UTP25: variants seen among roughly 807,000 people sequenced by gnomAD.
The protein encoded by UTP25 is U3 small nucleolar RNA-associated protein 25 homolog.
UTP25 carries 50 observed loss-of-function variants against 78.9 expected under a neutral mutation model. The observed-to-expected ratio is 0.63, with a 90% confidence interval of 0.50 to 0.80. UTP25 has a LOEUF of 0.80. UTP25 is among the 30% of genes least tolerant of loss of function. The probability of loss-of-function intolerance (pLI) is 0.00; values close to 1 mark genes in which losing one functional copy is unlikely to be tolerated. For synonymous variants in UTP25, 329 were observed against 336.5 expected, an observed-to-expected ratio of 0.98 and a Z score of 0.24; for missense variants, 846 against 911.3, an observed-to-expected ratio of 0.93 and a Z score of 0.92.
rs374508514 is a variant in UTP25, at chr1:209,851,255, T to C, written c.2079T>C (p.Tyr693=). The C allele has an allele frequency of 3.7e-6, 6 of 1,614,036 alleles. No individual in the cohort carries two copies. The African/African-American group carries it at 6.7e-5, about 18-fold the overall frequency. Residue 693 remains tyrosine, a synonymous_variant, in exon 12 of 12, where the codon TAT becomes TAC. Transcript: ENST00000491415. ...TGATTTTCTATGAACTGCCGACATA[T>C]CCACACTTTTACAGTGAAATCTGTA... The part of the protein sequence containing the change: ...RNLIFYELPT[Y]PHFYSEICNM...
intron 3 of UTP25, 90 bp from the exon 4 acceptor site, chr1:209,833,095 A>G (rs1157856661): frequency 8.2e-7 from 1 of 1,226,246 alleles, no homozygotes; most frequent in Non-Finnish European, 1.1e-6. Context: ...AATGAACGCT[A>G]TTGTTGGTAT....
chr1:209,854,042 G>A lies in UTP25; in HGVS notation c.*2595G>A, dbSNP rs553457467. On this transcript the variant is annotated 3_prime_UTR_variant, in exon 12 of 12. Coordinates refer to ENST00000491415, the MANE Select transcript of UTP25 (RefSeq NM_014388.7). ...AGTCTCTGCAATGGTTTTATTAAAA[G>A]GATGCCTTGAAGATCTGGTCTCTCT... 2 of 152,328 alleles carry A rather than the reference G, an allele frequency of 1.3e-5. No homozygotes were observed. Among genetic ancestry groups the A allele is most frequent in the African/African-American group, 4.8e-5 (2 of 41,566 alleles). 9.4% of individuals were successfully genotyped at this position (152,328 alleles called of 1,614,324 possible).
intron 11 of UTP25, among the ~76,000 whole-genome samples, chr1:209,847,219 A>G (rs1174893823): frequency 6.6e-6 from 1 of 152,192 alleles, no homozygotes; most frequent in African/African-American, 2.4e-5. Flanking sequence ...TAGCTCTACG[A>G]CATCCTCTCT....
intron 11 of UTP25, 140 bp from the exon 12 acceptor site, chr1:209,851,064 T>C (rs148060324): frequency 4.6e-6 from 4 of 878,274 alleles, no homozygotes; most frequent in Admixed American, 6.5e-5. Flanking sequence ...AGAATAACTT[T>C]TGTTCTGTTA....
Position 209,842,345 on chromosome 1 carries a change from T to C in UTP25, c.1566T>C (p.Asn522=), listed in dbSNP as rs144811302. 9.9e-6 allele frequency: 16 copies of C among 1,614,012 alleles called. No individual in the cohort carries two copies. The highest frequency in any genetic ancestry group is 9.3e-5 in the African/African-American group (7 of 74,926). Residue 522 remains asparagine (N), a synonymous_variant, in exon 9 of 12, where the codon AAT becomes AAC. Transcript: ENST00000491415. ...DFSRVRMWSL[N]NWSKYYRQTL... ...CTCGAGTGCGGATGTGGAGCCTCAA[T>C]AATTGGTCCAAGTACTATCGCCAGA...
chr1:209,841,037 G>T lies in UTP25; in HGVS notation c.1467G>T (p.Gln489His). ...IIDQADIYLM[Q>H]NWEHVLHLMN... ...ATCAAGCTGACATTTACCTGATGCA[G>T]AACTGGGAGCATGTCCTGGTAATGC... The change falls in exon 8 of 12, where the codon CAG (glutamine) becomes CAT (histidine). Residue 489 changes from glutamine (Q) to histidine (H), a missense_variant. By Grantham distance (24) the Gln-to-His change is conservative. Coordinates refer to ENST00000491415, the MANE Select transcript of UTP25 (RefSeq NM_014388.7). 1 of 1,614,022 alleles carries T rather than the reference G, an allele frequency of 6.2e-7. No individual in the cohort carries two copies. The highest frequency in any genetic ancestry group is 8.5e-7 in the Non-Finnish European group (1 of 1,179,932).
At chr1:209,845,824 T>A (rs2078193874) in intron 11 of UTP25, among the ~76,000 whole-genome samples, 1 of 151,882 alleles carries the variant, frequency 6.6e-6, no homozygotes. Context: ...TTTTTTAATT[T>A]GACCTTAGAA....
At chr1:209,831,073 T>G (rs1242727335) in intron 3 of UTP25, 30 bp downstream of exon 3, 1 of 1,612,138 alleles carries the variant, frequency 6.2e-7, no homozygotes, top group Non-Finnish European at 8.5e-7. Flanking sequence ...GCTCATCATC[T>G]TTGCCAGAAC....
intron 7 of UTP25, among the ~76,000 whole-genome samples, chr1:209,840,549 T>C (rs960250184): frequency 9.2e-5 from 14 of 152,146 alleles, no homozygotes; most frequent in African/African-American, 3.1e-4. Context: ...GTCCTGAGAA[T>C]CAGAGGCCGG....
intron 3 of UTP25, 51 bp from the exon 4 acceptor site, chr1:209,833,134 A>G: frequency 1.3e-6 from 2 of 1,538,642 alleles, no homozygotes; most frequent in Non-Finnish European, 1.8e-6. Context: ...TTGTCAACAG[A>G]AGTATAATTT....
rs539414001 is a variant in UTP25 at position 209,857,204 on chromosome 1, C to T, written c.*5757C>T. On this transcript the variant is annotated 3_prime_UTR_variant, in exon 12 of 12. Transcript: ENST00000491415. ...TTAGAAACACTGTGAAACTTTTATC[C>T]ATCAGTCCTGTTTCTGAAGCTGTAC... 6.6e-6 allele frequency: 1 copy of T among 152,122 alleles called. No homozygotes were observed. The highest frequency in any genetic ancestry group is 1.9e-4 in the East Asian group (1 of 5,168). The allele number at this position is 152,122 out of a possible 1,614,324, so 9.4% of individuals were successfully genotyped here. A position where few individuals can be genotyped will look rare whatever the true frequency, so the allele number is the denominator to read the frequency against.
chr1:209,834,348 G>A (rs2078120177), intron 4 of UTP25, among the ~76,000 whole-genome samples: 1 of 152,330 alleles, frequency 6.6e-6, no homozygotes, highest in South Asian at 2.1e-4. Context: ...TTATGAGTGG[G>A]ACTGGGAGAG....
intron 3 of UTP25, 42 bp downstream of exon 3, chr1:209,831,085 A>G (rs1485618159): frequency 1.9e-6 from 3 of 1,603,634 alleles, no homozygotes; most frequent in Non-Finnish European, 2.6e-6. Context: ...TGCCAGAACT[A>G]TAGACAGTTC....
intron 8 of UTP25, among the ~76,000 whole-genome samples, chr1:209,841,758 A>G (rs987190480): frequency 6.6e-6 from 1 of 152,340 alleles, no homozygotes; most frequent in East Asian, 1.9e-4. Flanking sequence ...TAGGAAATAA[A>G]TTTATTGTAC....
chr1:209,835,211 T>G (rs1413618525), intron 5 of UTP25, 48 bp downstream of exon 5: 2 of 1,547,748 alleles, frequency 1.3e-6, no homozygotes, highest in African/African-American at 2.7e-5. Context: ...AAGCTCTAAA[T>G]AAAACAGTGG....
chr1:209,840,964 A>G lies in UTP25; in HGVS notation c.1394A>G (p.Lys465Arg), dbSNP rs778703944. Reference sequence around the variant, plus strand: ...ACCATCATTGGTGGAGAAGGAGAGAAGAAGAGAGATTTTGACTTTCTGTCT... The same window carrying G: ...ACCATCATTGGTGGAGAAGGAGAGAGGAAGAGAGATTTTGACTTTCTGTCT... ...LRTIIGGEGE[K>R]KRDFDFLSSI... The change falls in exon 8 of 12, where the codon AAG (lysine) becomes AGG (arginine). Residue 465 changes from lysine to arginine, a missense_variant. Physicochemically the swap from Lys to Arg is conservative, Grantham distance 26. Coordinates refer to ENST00000491415, the MANE Select transcript of UTP25 (RefSeq NM_014388.7). 4 of 1,614,096 alleles carry G rather than the reference A, an allele frequency of 2.5e-6. No homozygotes were observed. The highest frequency in any genetic ancestry group is 3.4e-6 in the Non-Finnish European group (4 of 1,179,984).
Position 209,852,388 on chromosome 1 carries a change from GATA to G in UTP25, c.*944_*946del, listed in dbSNP as rs2078246365. The G allele has an allele frequency of 6.6e-6, 1 of 152,112 alleles. No individual in the cohort carries two copies. The highest frequency in any genetic ancestry group is 6.5e-5 in the Admixed American group (1 of 15,268). 9.4% of individuals were successfully genotyped at this position (152,112 alleles called of 1,614,324 possible). ...TGATTAGGAATGCCCCACCAATAAG[GATA>G]ATGTGAATATTTCAGAATCCAAAAA... On this transcript the variant is annotated 3_prime_UTR_variant, in exon 12 of 12. Transcript: ENST00000491415.
chr1:209,835,187 G>T (rs760826531), intron 5 of UTP25, 24 bp downstream of exon 5: 1 of 1,597,872 alleles, frequency 6.3e-7, no homozygotes, highest in Non-Finnish European at 8.6e-7. Context: ...GGTCATCCCG[G>T]TCACAAATAG....
At position 209,838,998 on chromosome 1, in the gene UTP25, C is replaced by A; in HGVS notation, c.1152C>A (p.Ile384=). ...SLLEGDSKKK[I]IVSNKKRFQG... ...TCGAGGGTGACAGCAAGAAGAAAAT[C>A]ATTGTGAGCAACAAAAAGAGGTTTC... The change falls in exon 7 of 12, where the codon ATC becomes ATA. Residue 384 remains isoleucine, a synonymous_variant. Coordinates refer to ENST00000491415, the MANE Select transcript of UTP25 (RefSeq NM_014388.7). 6.2e-7 allele frequency: 1 copy of A among 1,614,088 alleles called. No individual in the cohort carries two copies.
Sources: allele counts gnomAD v4.1 joint callset (sites outside exome capture counted in the v4.1 genomes callset), GRCh38; gene constraint gnomAD v4.1.1; transcripts MANE v1.5; gene names NCBI Gene and HGNC (gene_info 2026-07-23, HGNC 2026-07-21).